ASTN2: variants seen among roughly 807,000 people sequenced by gnomAD.
ASTN2 encodes astrotactin-2.
A neutral mutation model predicts 139.8 loss-of-function variants in ASTN2; 54 were observed. The ratio of observed to expected loss-of-function variants is 0.39; its 90% CI spans 0.31 to 0.48. ASTN2 has a LOEUF of 0.48. Ranked by LOEUF, ASTN2 falls within the 20% of genes least tolerant of loss-of-function variation. The pLI, the probability that ASTN2 is intolerant of heterozygous loss-of-function variation, is 0.95. For synonymous variants in ASTN2, 756 were observed against 719.5 expected, an observed-to-expected ratio of 1.05 and a Z score of -0.81; for missense variants, 1,565 against 1,725.1, an observed-to-expected ratio of 0.91 and a Z score of 1.64.
chr9:116,785,494 G>T (rs1830347061), intron 13 of ASTN2, among the ~76,000 whole-genome samples: 1 of 152,116 alleles, frequency 6.6e-6, no homozygotes, highest in Non-Finnish European at 1.5e-5. Flanking sequence ...TCACACTATG[G>T]TCTACTTGTA....
chr9:116,935,863 A>T (rs967779801), intron 10 of ASTN2, among the ~76,000 whole-genome samples: 5 of 152,210 alleles, frequency 3.3e-5, no homozygotes, highest in African/African-American at 1.2e-4. Context: ...TTACCATCTC[A>T]GCCCACTAAA....
intron 6 of ASTN2, among the ~76,000 whole-genome samples, chr9:117,027,105 A>G (rs760744810): frequency 3.9e-5 from 6 of 152,206 alleles, no homozygotes; most frequent in Non-Finnish European, 7.3e-5. Context: ...TTAGACTGAA[A>G]GGACGGTGAT....
intron 1 of ASTN2, among the ~76,000 whole-genome samples, chr9:117,309,984 G>A (rs1235587183): frequency 6.6e-6 from 1 of 152,132 alleles, no homozygotes; most frequent in African/African-American, 2.4e-5. Flanking sequence ...AGCTGGTCCT[G>A]TCTTTGACAC....
intron 19 of ASTN2, chr9:116,583,869 TAGAAGAG>T (rs1564133110): frequency 6.6e-6 from 1 of 152,196 alleles, no homozygotes; most frequent in Admixed American, 6.5e-5. Flanking sequence ...CTTTTAGATG[TAGAAGAG>T]ACCATCTTCA....
intron 9 of ASTN2, 112 bp from the exon 10 acceptor site, chr9:116,975,457 A>G (rs1836318048): frequency 1.9e-6 from 2 of 1,047,412 alleles, no homozygotes; most frequent in African/African-American, 3.3e-5. Context: ...CTCCATCCAT[A>G]TCCCCAGCAT....
intron 20 of ASTN2, among the ~76,000 whole-genome samples, chr9:116,482,019 G>A (rs1849184798): frequency 6.6e-6 from 1 of 152,166 alleles, no homozygotes; most frequent in East Asian, 1.9e-4. Context: ...CCTGTGAAAT[G>A]GGAGAGGCCA....
At chr9:117,321,193 G>T (rs908464472) in intron 1 of ASTN2, among the ~76,000 whole-genome samples, 1 of 152,214 alleles carries the variant, frequency 6.6e-6, no homozygotes, top group Non-Finnish European at 1.5e-5. Context: ...GTCATACAGC[G>T]GGTGCTTAGT....
In ASTN2 at chr9:117,414,364, CCCT is replaced by C; in HGVS notation, c.442+130_442+132del. On this transcript the variant is annotated intron_variant, in intron 1 of 22. Transcript: ENST00000313400. The surrounding 1 kb of genome is among the most constrained non-coding windows in gnomAD (Gnocchi z 4.2). ...CCAACCACCTGTGCGACCTCTGGGC[CCCT>C]CCTCTACCCTCTGCCAACCCCACTC... 1.4e-6 allele frequency: 2 copies of C among 1,390,698 alleles called. No individual in the cohort carries two copies. Among genetic ancestry groups the C allele is most frequent in the African/African-American group, 1.5e-5 (1 of 66,206 alleles). 86.1% of individuals were successfully genotyped at this position (1,390,698 alleles called of 1,614,324 possible). A position where few individuals can be genotyped will look rare whatever the true frequency, so the allele number is the denominator to read the frequency against.
intron 13 of ASTN2, among the ~76,000 whole-genome samples, chr9:116,804,010 A>T (rs1830966055): frequency 6.6e-6 from 1 of 151,818 alleles, no homozygotes; most frequent in African/African-American, 2.4e-5. Context: ...TGCTTGAGCA[A>T]CTGAGTCATG....
At chr9:117,137,261 T>A (rs1829974012) in intron 4 of ASTN2, among the ~76,000 whole-genome samples, 1 of 152,206 alleles carries the variant, frequency 6.6e-6, no homozygotes, top group South Asian at 2.1e-4. Context: ...TTGGAGCTGC[T>A]TTTAACCATG....
At chr9:116,711,145 G>C (rs1278805520) in intron 16 of ASTN2, among the ~76,000 whole-genome samples, 1 of 152,198 alleles carries the variant, frequency 6.6e-6, no homozygotes, top group Admixed American at 6.5e-5. Flanking sequence ...AGGTGCAAAT[G>C]CTCAAGCAAC....
chr9:116,497,366 C>G (rs1021710616), intron 19 of ASTN2, among the ~76,000 whole-genome samples: 1 of 152,162 alleles, frequency 6.6e-6, no homozygotes, highest in South Asian at 2.1e-4. Flanking sequence ...AGTTATCGAA[C>G]ACCCTCTAGG....
chr9:117,397,808 C>T (rs1270755813), intron 1 of ASTN2, among the ~76,000 whole-genome samples: 1 of 152,260 alleles, frequency 6.6e-6, no homozygotes, highest in South Asian at 2.1e-4. Flanking sequence ...TTAGCCCTCC[C>T]CTGAATAGTT....
intron 18 of ASTN2, 25 bp from the exon 19 acceptor site, chr9:116,618,497 C>T (rs1005734825): frequency 6.3e-6 from 10 of 1,587,346 alleles, no homozygotes; most frequent in Non-Finnish European, 5.1e-6. Flanking sequence ...AAGGAAGATT[C>T]GTGTTTGGCA....
At chr9:116,749,591 C>G (rs932252412) in intron 13 of ASTN2, among the ~76,000 whole-genome samples, 5 of 152,124 alleles carry the variant, frequency 3.3e-5, no homozygotes, top group African/African-American at 9.7e-5. Flanking sequence ...ACTGAAATTG[C>G]CATGGTGTGT....
At chr9:116,484,641 C>T (rs371979596) in intron 20 of ASTN2, among the ~76,000 whole-genome samples, 5 of 152,140 alleles carry the variant, frequency 3.3e-5, no homozygotes, top group Admixed American at 6.5e-5. Context: ...CTGGTCAGAG[C>T]GGCCCGGATC....
Position 116,896,917 on chromosome 9 carries a change from C to T in ASTN2, c.1890-33184G>A, listed in dbSNP as rs111672929. Among the ~76,000 whole-genome samples the T allele has an allele frequency of 6.0e-3, 914 of 152,212 alleles. 4 individuals are homozygous for T. The highest frequency in any genetic ancestry group is 0.021 in the African/African-American group (853 of 41,530). The stretch of plus-strand genomic sequence containing the variant: ...TGAGATTTGCGTGGGGACACAGAGC[C>T]AAACCATATCAGTGTGTTAATGAGG... On this transcript the variant is annotated intron_variant, in intron 10 of 22. Coordinates refer to ENST00000313400, the MANE Select transcript of ASTN2 (RefSeq NM_001365068.1).
rs116130756 is a variant in ASTN2, at chr9:117,335,381, T to C, written c.443-43868A>G. Among the ~76,000 whole-genome samples the C allele has an allele frequency of 9.1e-3, 1,389 of 152,316 alleles. 20 individuals are homozygous for C. Among genetic ancestry groups the C allele is most frequent in the African/African-American group, 0.032 (1,321 of 41,572 alleles). ...ATAAGCTCCTATGTTTGGCAAGTAC[T>C]AGGCTTTAACACAATACAAACATCT... On this transcript the variant is annotated intron_variant, in intron 1 of 22. Transcript: ENST00000313400.
rs781471894 is a variant in ASTN2, at chr9:116,725,805, C to T, written c.2772G>A (p.Lys924=). 2 of 1,613,862 alleles carry T rather than the reference C, an allele frequency of 1.2e-6. No homozygotes were observed. Among genetic ancestry groups the T allele is most frequent in the Non-Finnish European group, 1.7e-6 (2 of 1,180,008 alleles). Reference sequence around the variant, plus strand: ...ACTGGAGCCACAGCTGCTGCTGGACCTTCTTGCTGGGAAAGTGGATGATGC... The same window carrying T: ...ACTGGAGCCACAGCTGCTGCTGGACTTTCTTGCTGGGAAAGTGGATGATGC... ...LTCIIHFPSK[K]VQQQLWLQYQ... Residue 924 remains lysine (K), a synonymous_variant, in exon 16 of 23, where the codon AAG becomes AAA. Coordinates refer to ENST00000313400, the MANE Select transcript of ASTN2 (RefSeq NM_001365068.1).
Sources: allele counts gnomAD v4.1 joint callset (sites outside exome capture counted in the v4.1 genomes callset), GRCh38; gene constraint gnomAD v4.1.1; non-coding constraint Gnocchi (gnomAD v3.1); transcripts MANE v1.5; gene names NCBI Gene and HGNC (gene_info 2026-07-23, HGNC 2026-07-21).